The following UNC13A variants were observed in gnomAD, a reference collection of about 807,000 sequenced individuals.
The protein encoded by UNC13A is unc-13 homolog A, also known as protein unc-13 homolog A.
Under a neutral mutation model 219.7 loss-of-function variants are expected in UNC13A, and 61 were observed. The observed-to-expected ratio is 0.28, with a 90% CI of 0.23 to 0.34. The LOEUF (loss-of-function observed/expected upper bound fraction) is 0.34, where lower values mean the gene tolerates loss of function less well. Among genes scored for constraint, UNC13A ranks in the 10% least tolerant of loss-of-function variants. The pLI is 1.00. For missense variants in UNC13A, 1,476 were observed against 2,270.3 expected (o/e 0.65, Z 7.11); for synonymous variants, 920 against 884.6 (o/e 1.04, Z -0.71).
chr19:17,652,380 C>T (rs780064854), intron 12 of UNC13A, among the ~76,000 whole-genome samples: 26 of 152,216 alleles, frequency 1.7e-4, no homozygotes, highest in Non-Finnish European at 3.2e-4. Context: ...GATCCTCCCG[C>T]CTCGGCCTCC....
rs563808049 is a variant in UNC13A, at chr19:17,656,484, C to T, written c.768-86G>A. 1,173 of 1,300,076 alleles carry T rather than the reference C, an allele frequency of 9.0e-4. 3 individuals are homozygous for T. The highest frequency in any genetic ancestry group is 2.4e-3 in the South Asian group (157 of 64,624). 80.5% of individuals were successfully genotyped at this position (1,300,076 alleles called of 1,614,324 possible). ...AGTCACACAGGCATTGACTCATCAC[C>T]GACTGAGCACCTACGATGTGCCAGG... is the stretch of plus-strand genomic sequence containing the variant. On this transcript the variant is annotated intron_variant, in intron 9 of 43. Coordinates refer to ENST00000519716, the MANE Select transcript of UNC13A (RefSeq NM_001080421.3).
Position 17,621,832 on chromosome 19 carries a change from C to G in UNC13A, c.4242G>C (p.Lys1414Asn). ...LLRKHGKGLE[K>N]GRVKLPSHSD... ...CTCAGTGAGACGAGGCCCTCATTAC[C>G]TTTTCTAATCCCTTGCCATGTTTTC... Residue 1414 changes from lysine to asparagine, a missense_variant and splice_region_variant, in exon 37 of 44, where the codon AAG becomes AAC. Physicochemically the swap from Lys to Asn is moderately conservative, Grantham distance 94. Coordinates refer to ENST00000519716, the MANE Select transcript of UNC13A (RefSeq NM_001080421.3). 1 of 1,613,990 alleles carries G rather than the reference C, an allele frequency of 6.2e-7. No individual in the cohort carries two copies. The highest frequency in any genetic ancestry group is 8.5e-7 in the Non-Finnish European group (1 of 1,179,890).
At position 17,637,549 on chromosome 19, in the gene UNC13A, C is replaced by T. The variant is rs571568867; in HGVS notation, c.3082-1392G>A. Reference sequence around the variant, plus strand: ...TCCTGACCTCATGATCCACCCACCTCGGCCTCTCAAAGTGCTGGGATTACA... The same window carrying T: ...TCCTGACCTCATGATCCACCCACCTTGGCCTCTCAAAGTGCTGGGATTACA... On this transcript the variant is annotated intron_variant, in intron 25 of 43. Transcript: ENST00000519716. Among the ~76,000 whole-genome samples the T allele has an allele frequency of 2.6e-5, 4 of 152,274 alleles. No individual in the cohort carries two copies. The East Asian group carries it at 5.8e-4, about 22-fold the overall frequency.
Position 17,609,951 on chromosome 19 carries a change from C to G in UNC13A, c.4800G>C (p.Glu1600Asp), listed in dbSNP as rs1163659029. 1 of 1,613,730 alleles carries G rather than the reference C, an allele frequency of 6.2e-7. No homozygotes were observed. ...KNNSWAPKYNESFQFTLSADA... is the reference protein window; with the variant it reads ...KNNSWAPKYNDSFQFTLSADA... ...CATCCCAAACTCACAACTGGAAGCT[C>G]TCATTGTACTTGGGAGCCCAGCTAT... is the stretch of plus-strand genomic sequence containing the variant. Residue 1600 changes from glutamate (E) to aspartate (D), a missense_variant, in exon 43 of 44, where the codon GAG becomes GAC. Physicochemically the swap from Glu to Asp is conservative, Grantham distance 45. This residue lies in a region of UNC13A where 187 missense variants were observed against 172.3 expected (regional missense o/e 1.09). Transcript: ENST00000519716.
rs773067248 is a variant in UNC13A, at chr19:17,611,744, C to A, written c.4651+19G>T. 4.2e-5 allele frequency: 67 copies of A among 1,610,764 alleles called. No homozygotes were observed. The highest frequency in any genetic ancestry group is 4.8e-5 in the Non-Finnish European group (56 of 1,177,160). On this transcript the variant is annotated intron_variant, in intron 42 of 43. Coordinates refer to ENST00000519716, the MANE Select transcript of UNC13A (RefSeq NM_001080421.3). ...CTGTTTTAGAACCTAGCAAGTCCCTCCCACCTCAGACCACTCACCTTTCAC... is the reference window on the plus strand; with the variant it reads ...CTGTTTTAGAACCTAGCAAGTCCCTACCACCTCAGACCACTCACCTTTCAC...
At chr19:17,669,327 A>C (rs1033699341) in intron 5 of UNC13A, among the ~76,000 whole-genome samples, 22 of 152,142 alleles carry the variant, frequency 1.4e-4, no homozygotes, top group African/African-American at 5.1e-4. Flanking sequence ...AAGCACTTGC[A>C]GCTCACTGGG....
chr19:17,680,869 C>CTTCT (rs2079994804), intron 1 of UNC13A, among the ~76,000 whole-genome samples: 1 of 106,436 alleles, frequency 9.4e-6, no homozygotes, highest in Non-Finnish European at 1.8e-5. Context: ...TCTTCTTCTT[C>CTTCT]TTTTTTTTTC....
chr19:17,654,063 G>A (rs998302105), intron 11 of UNC13A, among the ~76,000 whole-genome samples: 29 of 150,950 alleles, frequency 1.9e-4, no homozygotes, highest in Non-Finnish European at 3.4e-4. Flanking sequence ...TCCTGACCTC[G>A]TGATCCACCC....
rs905931227 is a variant in UNC13A, at chr19:17,672,848, A to G, written c.153-353T>C. Among the ~76,000 whole-genome samples the G allele has an allele frequency of 2.0e-5, 3 of 152,100 alleles. No individual in the cohort carries two copies. In the East Asian group the frequency reaches 5.8e-4, roughly 29 times the overall value. On this transcript the variant is annotated intron_variant, in intron 3 of 43. Coordinates refer to ENST00000519716, the MANE Select transcript of UNC13A (RefSeq NM_001080421.3). ...TGAGGAAGAGGCTCAAATACCCTCCATAGCTCCCTTTACCTACAGGATAAG... is the reference window on the plus strand; with the variant it reads ...TGAGGAAGAGGCTCAAATACCCTCCGTAGCTCCCTTTACCTACAGGATAAG...
At chr19:17,620,577 G>A in intron 38 of UNC13A, 116 bp downstream of exon 38, 1 of 811,324 alleles carries the variant, frequency 1.2e-6, no homozygotes, top group Non-Finnish European at 1.8e-6. Context: ...GAGACCAACA[G>A]ACAGGTTCAC....
At chr19:17,683,032 T>G (rs759961836) in intron 1 of UNC13A, among the ~76,000 whole-genome samples, 1 of 152,052 alleles carries the variant, frequency 6.6e-6, no homozygotes, top group Non-Finnish European at 1.5e-5. Flanking sequence ...GCCACTGCAC[T>G]CCAGCTTGGG....
At chr19:17,646,767 C>T (rs976942160) in intron 17 of UNC13A, among the ~76,000 whole-genome samples, 2 of 152,170 alleles carry the variant, frequency 1.3e-5, no homozygotes, top group Non-Finnish European at 2.9e-5. Context: ...TCCTCATCCT[C>T]AGGTCTGTTT....
rs1568516544 is a variant in UNC13A at position 17,636,144 on chromosome 19, T to A, written c.3095A>T (p.Glu1032Val). 1 of 1,598,250 alleles carries A rather than the reference T, an allele frequency of 6.3e-7. No individual in the cohort carries two copies. The highest frequency in any genetic ancestry group is 1.7e-5 in the Admixed American group (1 of 57,264). The change falls in exon 26 of 44, where the codon GAA (glutamate) becomes GTA (valine). Residue 1032 changes from glutamate (E) to valine (V), a missense_variant. Physicochemically the swap from Glu to Val is moderately radical, Grantham distance 121 (BLOSUM62 -2). This residue lies in a region of UNC13A where 24 missense variants were observed against 16.0 expected (regional missense o/e 1.50). Transcript: ENST00000519716. ...GGGCCCCTGTTCCTCTGGGAGAACTTCCCCCTTCTTGGCCTGAAATGGACA... is the reference window on the plus strand; with the variant it reads ...GGGCCCCTGTTCCTCTGGGAGAACTACCCCCTTCTTGGCCTGAAATGGACA... ...EYQTDPAKKGEVLPEEQGPSI... is the reference protein window; with the variant it reads ...EYQTDPAKKGVVLPEEQGPSI...
intron 16 of UNC13A, 45 bp downstream of exon 16, chr19:17,648,386 C>T (rs754944840): frequency 8.8e-6 from 12 of 1,368,348 alleles, no homozygotes; most frequent in Non-Finnish European, 1.0e-5. Flanking sequence ...AGCCCCGGGG[C>T]TCCCCACGCC....
chr19:17,631,783 C>T (rs1052218284), intron 28 of UNC13A, among the ~76,000 whole-genome samples: 2 of 152,150 alleles, frequency 1.3e-5, no homozygotes, highest in Non-Finnish European at 2.9e-5. Context: ...CTCACTCTGT[C>T]GCCCAGGCTG....
Position 17,627,728 on chromosome 19 carries a change from C to CA in UNC13A, c.3832-132dup. The CA allele has an allele frequency of 7.9e-7, 1 of 1,266,388 alleles. No homozygotes were observed. The allele number at this position is 1,266,388 out of a possible 1,614,324, so 78.4% of individuals were successfully genotyped here. On this transcript the variant is annotated intron_variant, in intron 32 of 43. Coordinates refer to ENST00000519716, the MANE Select transcript of UNC13A (RefSeq NM_001080421.3). The surrounding 1 kb of genome is among the most constrained non-coding windows in gnomAD (Gnocchi z 4.7). ...AACTGAGGCACAGACCGTTATGCTG[C>CA]AAGCCTGGGTTTAAGGCCATGGTTG...
intron 41 of UNC13A, chr19:17,614,311 C>T (rs1309220235): frequency 1.3e-5 from 2 of 152,110 alleles, no homozygotes; most frequent in African/African-American, 2.4e-5. Flanking sequence ...CAGGCCTCAA[C>T]CCCTAATTTT....
intron 12 of UNC13A, among the ~76,000 whole-genome samples, 155 bp downstream of exon 12, chr19:17,652,476 T>G (rs1175123882): frequency 3.9e-5 from 6 of 152,164 alleles, no homozygotes; most frequent in African/African-American, 1.4e-4. Context: ...TATGGCTGTG[T>G]GCCTTATGAA....
In UNC13A at chr19:17,649,994, G is replaced by A. The variant is rs970419238; in HGVS notation, c.1440-407C>T. 1.3e-5 allele frequency among the ~76,000 whole-genome samples: 2 copies of A among 152,126 alleles called. No individual in the cohort carries two copies. Among genetic ancestry groups the A allele is most frequent in the African/African-American group, 4.8e-5 (2 of 41,414 alleles). On this transcript the variant is annotated intron_variant, in intron 12 of 43. Coordinates refer to ENST00000519716, the MANE Select transcript of UNC13A (RefSeq NM_001080421.3). This position sits in a 1 kb window ranked among gnomAD's most constrained non-coding sequence, Gnocchi z 4.4. ...AATTCTCTTCTACAGATTTCAGAGG[G>A]AGCATGGCTCTACCAATGCCTTGAT...
Sources: allele counts gnomAD v4.1 joint callset (sites outside exome capture counted in the v4.1 genomes callset), GRCh38; gene constraint gnomAD v4.1.1; regional missense constraint gnomAD v4.1.1; non-coding constraint Gnocchi (gnomAD v3.1); transcripts MANE v1.5; gene names NCBI Gene and HGNC (gene_info 2026-07-23, HGNC 2026-07-21).